The following EEFSEC variants were observed in gnomAD, a reference collection of about 807,000 sequenced individuals.
EEFSEC encodes the protein eukaryotic elongation factor, selenocysteine-tRNA specific.
In EEFSEC, 43 loss-of-function variants were observed where a neutral mutation model predicts 42.1. That is an observed-to-expected ratio of 1.02 (90% CI 0.80 to 1.32). The LOEUF (loss-of-function observed/expected upper bound fraction) is 1.32. EEFSEC is among the 40% of genes most tolerant of loss of function. EEFSEC has a pLI of 0.00. For missense variants in EEFSEC, 745 were observed against 803.6 expected (o/e 0.93, Z 0.88); for synonymous variants, 354 against 339.1 (o/e 1.04, Z -0.48).
At chr3:128,365,577 C>T (rs546814907) in intron 6 of EEFSEC, among the ~76,000 whole-genome samples, 1 of 151,750 alleles carries the variant, frequency 6.6e-6, no homozygotes, top group African/African-American at 2.4e-5. Context: ...TGTGTGCACC[C>T]ACCCCTCACC....
chr3:128,390,745 G>A (rs1409999831), intron 6 of EEFSEC, among the ~76,000 whole-genome samples: 1 of 152,164 alleles, frequency 6.6e-6, no homozygotes, highest in East Asian at 1.9e-4. Context: ...TGCAGATCTA[G>A]CAGGAGACCC....
intron 1 of EEFSEC, among the ~76,000 whole-genome samples, chr3:128,223,713 G>A (rs927221125): frequency 4.6e-5 from 7 of 152,164 alleles, no homozygotes; most frequent in Non-Finnish European, 7.3e-5. Context: ...GATTGTCTTC[G>A]TAAAGTGCCT....
chr3:128,359,415 C>G (rs1343206705), intron 6 of EEFSEC, among the ~76,000 whole-genome samples: 1 of 151,956 alleles, frequency 6.6e-6, no homozygotes, highest in African/African-American at 2.4e-5. Context: ...AGGGTCTTAC[C>G]CTGTCTGTGG....
chr3:128,307,612 G>A (rs956213299), intron 4 of EEFSEC, among the ~76,000 whole-genome samples: 2 of 152,220 alleles, frequency 1.3e-5, no homozygotes, highest in African/African-American at 4.8e-5. Flanking sequence ...GATGAACTGG[G>A]CAAAGTATTG....
At chr3:128,272,151 C>A (rs2066420237) in intron 4 of EEFSEC, among the ~76,000 whole-genome samples, 1 of 152,196 alleles carries the variant, frequency 6.6e-6, no homozygotes, top group South Asian at 2.1e-4. Context: ...TCAGGTGGCA[C>A]CTTCCCTGGC....
intron 6 of EEFSEC, among the ~76,000 whole-genome samples, chr3:128,382,445 G>A (rs1225142908): frequency 6.6e-6 from 1 of 152,196 alleles, no homozygotes; most frequent in Non-Finnish European, 1.5e-5. Context: ...GTCTATGTGT[G>A]TCCATGTATG....
chr3:128,284,257 C>T (rs771878978), intron 4 of EEFSEC, among the ~76,000 whole-genome samples: 1 of 152,180 alleles, frequency 6.6e-6, no homozygotes, highest in Non-Finnish European at 1.5e-5. Flanking sequence ...TTCATACTCC[C>T]GCCTTTCCTT....
At chr3:128,369,047 GTCTCT>G (rs1361018097) in intron 6 of EEFSEC, among the ~76,000 whole-genome samples, 3 of 152,164 alleles carry the variant, frequency 2.0e-5, no homozygotes, top group African/African-American at 7.2e-5. Flanking sequence ...TTAATGTGCC[GTCTCT>G]TCCTCCTGCT....
chr3:128,241,702 T>A (rs541510274), intron 1 of EEFSEC, among the ~76,000 whole-genome samples: 13 of 152,316 alleles, frequency 8.5e-5, no homozygotes, highest in Non-Finnish European at 1.8e-4. Flanking sequence ...TGAAGACATG[T>A]AGACCACCAC....
the EEFSEC span, among the ~76,000 whole-genome samples, chr3:128,414,389 G>A: frequency 9.2e-5 from 14 of 152,180 alleles, no homozygotes; most frequent in South Asian, 2.1e-4. Flanking sequence ...ACCTGAGGAC[G>A]CAGGGACCCA....
Position 128,408,277 on chromosome 3 carries a change from C to G in EEFSEC, c.*18C>G. On this transcript the variant is annotated 3_prime_UTR_variant, in exon 7 of 7. Coordinates refer to ENST00000254730, the MANE Select transcript of EEFSEC (RefSeq NM_021937.5). ...CTCCCTGAGTGTCCGGTGACCTCCC[C>G]CAGGGCCTCCTTGCCCAGCCCAGTC... 2 of 1,541,870 alleles carry G rather than the reference C, an allele frequency of 1.3e-6. No homozygotes were observed. The highest frequency in any genetic ancestry group is 1.2e-5 in the South Asian group (1 of 80,696).
At chr3:128,357,052 G>A (rs1244730574) in intron 5 of EEFSEC, among the ~76,000 whole-genome samples, 1 of 152,242 alleles carries the variant, frequency 6.6e-6, no homozygotes. Flanking sequence ...GGTCCAGATG[G>A]TGTGTGCATT....
At chr3:128,406,850 A>T (rs2068120042) in intron 6 of EEFSEC, among the ~76,000 whole-genome samples, 1 of 151,502 alleles carries the variant, frequency 6.6e-6, no homozygotes, top group Non-Finnish European at 1.5e-5. Flanking sequence ...ATATATATAT[A>T]CACATATATA....
In EEFSEC at chr3:128,180,539, G is replaced by C. The variant is rs72985527; in HGVS notation, c.316+26716G>C. On this transcript the variant is annotated intron_variant, in intron 1 of 6. Transcript: ENST00000254730. ...TTTCCTTGACTTTAAAATGGGGAAA[G>C]TAAGAATGTAAGACCTTAAAGAGTT... Among the ~76,000 whole-genome samples, 309 of 152,366 alleles carry C rather than the reference G, an allele frequency of 2.0e-3. 1 individual carries two copies. Among genetic ancestry groups the C allele is most frequent in the African/African-American group, 7.1e-3 (295 of 41,586 alleles).
At chr3:128,270,932 G>A (rs2066406923) in intron 4 of EEFSEC, among the ~76,000 whole-genome samples, 1 of 152,176 alleles carries the variant, frequency 6.6e-6, no homozygotes, top group Non-Finnish European at 1.5e-5. Flanking sequence ...GTCTCCCTGG[G>A]GGCAGAAGCT....
intron 1 of EEFSEC, among the ~76,000 whole-genome samples, chr3:128,213,071 T>G (rs1304951661): frequency 6.6e-6 from 1 of 152,222 alleles, no homozygotes; most frequent in Non-Finnish European, 1.5e-5. Flanking sequence ...CCACCACACC[T>G]TCTGCATTGC....
Position 128,246,944 on chromosome 3 carries a change from T to G in EEFSEC, c.425T>G (p.Val142Gly). The change falls in exon 2 of 7, where the codon GTC becomes GGC. Residue 142 changes from valine (V) to glycine (G), a missense_variant. Physicochemically the swap from Val to Gly is moderately radical, Grantham distance 109. Coordinates refer to ENST00000254730, the MANE Select transcript of EEFSEC (RefSeq NM_021937.5). ...VIGQIACQKL[V>G]VVLNKIDLLP... is the part of the protein sequence containing the mutation. The stretch of plus-strand genomic sequence containing the variant: ...GGCCAGATTGCCTGCCAGAAGCTGG[T>G]CGTGGTGCTGAACAAAATAGACCTC... The G allele has an allele frequency of 6.2e-7, 1 of 1,614,128 alleles. No individual in the cohort carries two copies. The highest frequency in any genetic ancestry group is 8.5e-7 in the Non-Finnish European group (1 of 1,180,026).
At chr3:128,251,925 T>A (rs2066191130) in intron 2 of EEFSEC, among the ~76,000 whole-genome samples, 1 of 152,264 alleles carries the variant, frequency 6.6e-6, no homozygotes, top group African/African-American at 2.4e-5. Flanking sequence ...CACAATCTTC[T>A]CAATGCATCA....
intron 4 of EEFSEC, among the ~76,000 whole-genome samples, chr3:128,312,269 G>A (rs2066897749): frequency 6.6e-6 from 1 of 152,240 alleles, no homozygotes. Flanking sequence ...TCTCTGAGAT[G>A]AGAGAACCAG....
Sources: allele counts gnomAD v4.1 joint callset (sites outside exome capture counted in the v4.1 genomes callset), GRCh38; gene constraint gnomAD v4.1.1; transcripts MANE v1.5; gene names NCBI Gene and HGNC (gene_info 2026-07-23, HGNC 2026-07-21).